UXS1: variants seen among roughly 807,000 people sequenced by gnomAD.
UXS1 encodes the protein UDP-glucuronate decarboxylase 1.
A neutral mutation model predicts 62.6 loss-of-function variants in UXS1; 33 were observed. That is an observed-to-expected ratio of 0.53 (90% CI 0.40 to 0.70). The LOEUF is 0.70. Among genes scored for constraint, UXS1 ranks in the 30% least tolerant of loss-of-function variants. The pLI is 0.00. For synonymous variants in UXS1, 213 were observed against 206.8 expected, an observed-to-expected ratio of 1.03 and a Z score of -0.26; for missense variants, 434 against 556.3, an observed-to-expected ratio of 0.78 and a Z score of 2.21.
intron 1 of UXS1, among the ~76,000 whole-genome samples, chr2:106,183,240 T>TA (rs56060452): frequency 5.9e-5 from 8 of 135,958 alleles, no homozygotes; most frequent in African/African-American, 2.2e-4. Context: ...AAGTCTTTTT[T>TA]AAAAAAAAAA....
intron 1 of UXS1, among the ~76,000 whole-genome samples, chr2:106,175,792 C>G (rs189950185): frequency 6.6e-6 from 1 of 152,144 alleles, no homozygotes; most frequent in African/African-American, 2.4e-5. Context: ...CCAGGCATCA[C>G]GAAACAAAGA....
At chr2:106,117,775 T>C (rs1231212306) in intron 9 of UXS1, among the ~76,000 whole-genome samples, 1 of 152,196 alleles carries the variant, frequency 6.6e-6, no homozygotes, top group Non-Finnish European at 1.5e-5. Context: ...CTGAACCCCC[T>C]AACTCCCCTA....
At chr2:106,107,144 C>T (rs116017843) in intron 10 of UXS1, among the ~76,000 whole-genome samples, 3,232 of 152,304 alleles carry the variant, frequency 0.021, 56 homozygotes, top group Non-Finnish European at 0.034. Flanking sequence ...CCTCTGTCTG[C>T]ATCCGGGGCT....
intron 9 of UXS1, among the ~76,000 whole-genome samples, chr2:106,122,509 A>C (rs1345957828): frequency 2.0e-5 from 3 of 152,262 alleles, no homozygotes; most frequent in Non-Finnish European, 4.4e-5. Context: ...GTCACATAAA[A>C]TATCATCAGC....
intron 1 of UXS1, among the ~76,000 whole-genome samples, chr2:106,181,777 A>G (rs1404106860): frequency 6.6e-6 from 1 of 152,172 alleles, no homozygotes; most frequent in Middle Eastern, 3.2e-3. Flanking sequence ...GTAAATTCAG[A>G]CTTCTCACCA....
chr2:106,094,170 A>T lies in UXS1; in HGVS notation c.1147-13T>A, dbSNP rs1558665478. 1.2e-6 allele frequency: 2 copies of T among 1,604,456 alleles called. No homozygotes were observed. The highest frequency in any genetic ancestry group is 1.7e-6 in the Non-Finnish European group (2 of 1,177,484). On this transcript the variant is annotated splice_polypyrimidine_tract_variant and intron_variant, in intron 14 of 14. Transcript: ENST00000283148. ...CCTCCAGCGGGACCTGTTTAAAGGGAAAGCAAGAAAGGGAGACAAGGTCAC... is the reference window on the plus strand; with the variant it reads ...CCTCCAGCGGGACCTGTTTAAAGGGTAAGCAAGAAAGGGAGACAAGGTCAC...
intron 10 of UXS1, among the ~76,000 whole-genome samples, chr2:106,110,010 T>C (rs1051176176): frequency 7.9e-5 from 12 of 152,186 alleles, no homozygotes; most frequent in Non-Finnish European, 1.3e-4. Context: ...CAGGCAGGCC[T>C]GCGAGTCTCT....
At chr2:106,112,273 C>T (rs1678683891) in intron 10 of UXS1, among the ~76,000 whole-genome samples, 1 of 152,230 alleles carries the variant, frequency 6.6e-6, no homozygotes, top group Non-Finnish European at 1.5e-5. Flanking sequence ...TGTGGCTCAC[C>T]TCCCCACCCT....
chr2:106,113,340 T>C (rs1678777374), intron 9 of UXS1, among the ~76,000 whole-genome samples: 1 of 152,230 alleles, frequency 6.6e-6, no homozygotes, highest in African/African-American at 2.4e-5. Context: ...TAAATACAAC[T>C]TAGTGCCCAG....
At chr2:106,191,005 C>T (rs1276209795) in intron 1 of UXS1, among the ~76,000 whole-genome samples, 1 of 152,054 alleles carries the variant, frequency 6.6e-6, no homozygotes, top group Non-Finnish European at 1.5e-5. Flanking sequence ...GGCTGAAACA[C>T]ATAAGACACA....
intron 5 of UXS1, among the ~76,000 whole-genome samples, chr2:106,146,711 C>T (rs899753382): frequency 4.6e-5 from 6 of 129,206 alleles, no homozygotes; most frequent in Admixed American, 2.8e-4. Flanking sequence ...ACCCAGGAGG[C>T]GGAAGTTGCA....
chr2:106,130,395 G>A (rs905729681), intron 6 of UXS1, among the ~76,000 whole-genome samples: 2 of 152,156 alleles, frequency 1.3e-5, no homozygotes, highest in Non-Finnish European at 2.9e-5. Context: ...GGTAACATCT[G>A]CACATAGCAG....
intron 10 of UXS1, among the ~76,000 whole-genome samples, chr2:106,112,246 G>T (rs547275787): frequency 6.6e-6 from 1 of 152,204 alleles, no homozygotes; most frequent in African/African-American, 2.4e-5. Context: ...TCAAGGTGAC[G>T]GCCCAGCCTG....
chr2:106,112,901 G>T, intron 9 of UXS1, 136 bp from the exon 10 acceptor site: 1 of 1,373,450 alleles, frequency 7.3e-7, no homozygotes, highest in Non-Finnish European at 9.7e-7. Flanking sequence ...TGGCTTTTTT[G>T]TTCTGATTCC....
intron 1 of UXS1, among the ~76,000 whole-genome samples, chr2:106,173,667 C>G (rs1386208372): frequency 6.6e-6 from 1 of 152,260 alleles, no homozygotes; most frequent in Non-Finnish European, 1.5e-5. Context: ...GGAGAGTGAA[C>G]ACAGCTGAAG....
At position 106,093,903 on chromosome 2, in the gene UXS1, T is replaced by G; in HGVS notation, c.*123A>C. The G allele has an allele frequency of 1.2e-5, 16 of 1,309,196 alleles. No homozygotes were observed. Among genetic ancestry groups the G allele is most frequent in the Non-Finnish European group, 1.6e-5 (16 of 996,048 alleles). The allele number at this position is 1,309,196 out of a possible 1,614,324, so 81.1% of individuals were successfully genotyped here. On this transcript the variant is annotated 3_prime_UTR_variant, in exon 15 of 15. Transcript: ENST00000283148. ...CATTTCATTAAAGCAAGCTTCAGAATGAAATTCCAGTTTGTTCTTCATGAC... is the reference window on the plus strand; with the variant it reads ...CATTTCATTAAAGCAAGCTTCAGAAGGAAATTCCAGTTTGTTCTTCATGAC...
At chr2:106,164,400 T>C (rs1350797236) in intron 3 of UXS1, among the ~76,000 whole-genome samples, 2 of 152,258 alleles carry the variant, frequency 1.3e-5, no homozygotes, top group Non-Finnish European at 2.9e-5. Context: ...TGGCCATTGT[T>C]CTTTTCAGCA....
At chr2:106,112,352 C>T (rs539766206) in intron 10 of UXS1, among the ~76,000 whole-genome samples, 12 of 152,346 alleles carry the variant, frequency 7.9e-5, no homozygotes, top group African/African-American at 2.6e-4. Context: ...AGCCAGCAGG[C>T]CAAAAGTATG....
At chr2:106,191,579 C>T (rs193041216) in intron 1 of UXS1, among the ~76,000 whole-genome samples, 2 of 152,386 alleles carry the variant, frequency 1.3e-5, no homozygotes, top group African/African-American at 4.8e-5. Flanking sequence ...CCCAGGCCTG[C>T]CTGCCTGCTT....
Sources: allele counts gnomAD v4.1 joint callset (sites outside exome capture counted in the v4.1 genomes callset), GRCh38; gene constraint gnomAD v4.1.1; transcripts MANE v1.5; gene names NCBI Gene and HGNC (gene_info 2026-07-23, HGNC 2026-07-21).